Variants in PFKP observed in about 807,000 individuals in gnomAD.
PFKP encodes the protein phosphofructokinase, platelet.
A neutral mutation model predicts 94.3 loss-of-function variants in PFKP; 101 were observed. The observed-to-expected ratio is 1.07, with a 90% confidence interval of 0.91 to 1.26. The LOEUF (loss-of-function observed/expected upper bound fraction) is 1.26, where lower values mean the gene tolerates loss of function less well. Ranked by LOEUF, PFKP falls within the 50% of genes most tolerant of loss-of-function variation. The pLI is 0.00. For synonymous variants in PFKP, 573 were observed against 432.6 expected, an observed-to-expected ratio of 1.32 and a Z score of -4.03; for missense variants, 1,145 against 1,103.3, an observed-to-expected ratio of 1.04 and a Z score of -0.53.
At chr10:3,132,743 CTG>C in intron 18 of PFKP, among the ~76,000 whole-genome samples, 1 of 152,230 alleles carries the variant, frequency 6.6e-6, no homozygotes, top group East Asian at 1.9e-4. Context: ...GCCTCAGGGA[CTG>C]TGTCCCAAGA....
chr10:3,127,558 G>A (rs2388565), intron 16 of PFKP, among the ~76,000 whole-genome samples: 1 of 152,062 alleles, frequency 6.6e-6, no homozygotes, highest in African/African-American at 2.4e-5. Context: ...AGACAAAGGA[G>A]AAGTCTTAAA....
chr10:3,103,305 G>C (rs907230856), intron 4 of PFKP, among the ~76,000 whole-genome samples: 1 of 152,174 alleles, frequency 6.6e-6, no homozygotes, highest in Non-Finnish European at 1.5e-5. Flanking sequence ...GCTTTGTCTG[G>C]CTTCTCTTTC....
At chr10:3,135,094 A>T (rs910776392) in intron 20 of PFKP, among the ~76,000 whole-genome samples, 5 of 152,230 alleles carry the variant, frequency 3.3e-5, no homozygotes, top group Non-Finnish European at 5.9e-5. Flanking sequence ...AAGTTTCAAG[A>T]AACATGACTT....
chr10:3,113,287 A>G, intron 12 of PFKP, 85 bp from the exon 13 acceptor site: 1 of 1,576,176 alleles, frequency 6.3e-7, no homozygotes, highest in South Asian at 1.1e-5. Context: ...CAGGCCTGGC[A>G]CGGCATGAGC....
chr10:3,128,601 C>T (rs757784943), intron 16 of PFKP, among the ~76,000 whole-genome samples: 6 of 151,910 alleles, frequency 3.9e-5, no homozygotes, highest in African/African-American at 1.2e-4. Context: ...CCCAGAGTTG[C>T]GGGCCTTGCA....
intron 17 of PFKP, among the ~76,000 whole-genome samples, chr10:3,131,032 T>G (rs1489888660): frequency 1.3e-5 from 2 of 151,490 alleles, no homozygotes; most frequent in African/African-American, 2.4e-5. Flanking sequence ...TCCCATAAGA[T>G]TATAATGGAG....
chr10:3,106,135 G>A (rs1036088605), intron 7 of PFKP, among the ~76,000 whole-genome samples: 3 of 142,806 alleles, frequency 2.1e-5, no homozygotes, highest in South Asian at 4.4e-4. Flanking sequence ...GCCAGGCTTC[G>A]GGGCCTCCCC....
At chr10:3,135,306 G>A (rs1003425414) in intron 20 of PFKP, among the ~76,000 whole-genome samples, 5 of 152,194 alleles carry the variant, frequency 3.3e-5, no homozygotes, top group Admixed American at 1.3e-4. Context: ...AACCAGTGAT[G>A]TGAATAGTTT....
rs773813762 is a variant in PFKP at position 3,113,520 on chromosome 10, T to C, written c.1371+2T>C. The C allele has an allele frequency of 6.2e-7, 1 of 1,611,864 alleles. No homozygotes were observed. The highest frequency in any genetic ancestry group is 1.1e-5 in the South Asian group (1 of 91,032). On this transcript the variant is annotated splice_donor_variant, in intron 13 of 21. Coordinates refer to ENST00000381125, the MANE Select transcript of PFKP (RefSeq NM_002627.5). LOFTEE classifies it high-confidence loss of function. ...TTTGACGGCTTCGCCAAGGGCCAGG[T>C]GAGTCACCCAGGATGCCGTAGGCAG...
At chr10:3,086,246 G>A (rs72778571) in intron 2 of PFKP, among the ~76,000 whole-genome samples, 10,074 of 152,252 alleles carry the variant, frequency 0.066, 490 homozygotes, top group Non-Finnish European at 0.096. Context: ...GTTGTGTGTT[G>A]AGTGGAAGTT....
chr10:3,104,309 T>C (rs1443572466), intron 5 of PFKP, among the ~76,000 whole-genome samples: 1 of 152,242 alleles, frequency 6.6e-6, no homozygotes, highest in Non-Finnish European at 1.5e-5. Flanking sequence ...TCCTGCCCTG[T>C]GTAACCTACG....
chr10:3,070,303 AC>A (rs1281461186), intron 1 of PFKP: 1 of 152,286 alleles, frequency 6.6e-6, no homozygotes, highest in Non-Finnish European at 1.5e-5. Context: ...CCACAGATTT[AC>A]AAACCCTTAC....
At chr10:3,124,153 G>A (rs9423479) in intron 16 of PFKP, among the ~76,000 whole-genome samples, 64,998 of 152,096 alleles carry the variant, frequency 0.43, 14,088 homozygotes, top group South Asian at 0.57. Context: ...CTCACTGTCC[G>A]ACTCTCCCAG....
At chr10:3,069,433 G>C (rs763971614) in intron 1 of PFKP, 1 of 1,547,450 alleles carries the variant, frequency 6.5e-7, no homozygotes, top group Non-Finnish European at 8.8e-7. Context: ...ACCCAGAGTG[G>C]CTTCTCAGTC....
intron 11 of PFKP, 111 bp from the exon 12 acceptor site, chr10:3,113,008 T>G: frequency 1.1e-6 from 1 of 939,590 alleles, no homozygotes; most frequent in African/African-American, 1.6e-5. Context: ...TCTGCCCAGA[T>G]AGTCGGGCAG....
chr10:3,115,001 G>A (rs1836644623), intron 13 of PFKP, among the ~76,000 whole-genome samples: 1 of 152,230 alleles, frequency 6.6e-6, no homozygotes, highest in Non-Finnish European at 1.5e-5. Flanking sequence ...TGTGCAGATG[G>A]CGAGAAACCT....
intron 11 of PFKP, 91 bp downstream of exon 11, chr10:3,112,377 C>T: frequency 3.2e-6 from 3 of 945,196 alleles, no homozygotes; most frequent in Admixed American, 1.7e-5. Context: ...TGTGCTTATT[C>T]CATGTCACTG....
At chr10:3,113,303 C>G (rs1588505216) in intron 12 of PFKP, 69 bp from the exon 13 acceptor site, 7 of 1,577,264 alleles carry the variant, frequency 4.4e-6, no homozygotes, top group Admixed American at 3.5e-5. Context: ...TGAGCCACTG[C>G]CAAAGTGTGC....
At chr10:3,093,762 G>A (rs1418501733) in intron 2 of PFKP, among the ~76,000 whole-genome samples, 2 of 146,370 alleles carry the variant, frequency 1.4e-5, no homozygotes, top group Non-Finnish European at 3.0e-5. Context: ...TCCCGCCTCA[G>A]CCTCCCGAGC....
Sources: allele counts gnomAD v4.1 joint callset (sites outside exome capture counted in the v4.1 genomes callset), GRCh38; gene constraint gnomAD v4.1.1; transcripts MANE v1.5; gene names NCBI Gene and HGNC (gene_info 2026-07-23, HGNC 2026-07-21).